Variants in SMPD4 observed in about 807,000 individuals in gnomAD.
SMPD4 encodes the protein neutral sphingomyelinase 3.
Under a neutral mutation model 97.8 loss-of-function variants are expected in SMPD4, and 58 were observed. The ratio of observed to expected loss-of-function variants is 0.59; its 90% CI spans 0.48 to 0.74. The LOEUF is 0.74. SMPD4 is among the 30% of genes least tolerant of loss of function. The probability of loss-of-function intolerance (pLI) is 0.00; values close to 1 mark genes in which losing one functional copy is unlikely to be tolerated. For synonymous variants in SMPD4, 388 were observed against 450.0 expected (o/e 0.86, Z 1.74); for missense variants, 853 against 1,080.5 (o/e 0.79, Z 2.95).
At position 130,172,802 on chromosome 2, in the gene SMPD4, G is replaced by C; in HGVS notation, c.439C>G (p.Leu147Val). 1 of 1,614,206 alleles carries C rather than the reference G, an allele frequency of 6.2e-7. No individual in the cohort carries two copies. Among genetic ancestry groups the C allele is most frequent in the South Asian group, 1.1e-5 (1 of 91,080 alleles). The change falls in exon 6 of 20, where the codon CTG (leucine) becomes GTG (valine). Residue 147 changes from leucine to valine, a missense_variant. This residue lies in a region of SMPD4 where 313 missense variants were observed against 402.2 expected (regional missense o/e 0.78). Coordinates refer to ENST00000680298, the MANE Select transcript of SMPD4 (RefSeq NM_017951.5). The part of the protein sequence containing the change: ...VQFTPTGGLG[L>V]NLALNPFEYY... ...CAAAGGATACTCAGGGCCAAGTTCA[G>C]ACCAAGGCCCCCAGTAGGGGTGAAC...
intron 9 of SMPD4, among the ~76,000 whole-genome samples, chr2:130,166,932 A>G (rs570310155): frequency 2.0e-5 from 3 of 152,386 alleles, no homozygotes; most frequent in South Asian, 2.1e-4. Flanking sequence ...AACAACTTCC[A>G]TGGACAGGGG....
chr2:130,152,823 T>C lies in SMPD4; in HGVS notation c.2216A>G (p.Tyr739Cys), dbSNP rs1686361346. 6.2e-7 allele frequency: 1 copy of C among 1,605,722 alleles called. No homozygotes were observed. The highest frequency in any genetic ancestry group is 8.5e-7 in the Non-Finnish European group (1 of 1,174,928). Residue 739 changes from tyrosine (Y) to cysteine (C), a missense_variant, in exon 20 of 20, where the codon TAC becomes TGC. This residue lies in a region of SMPD4 where 511 missense variants were observed against 608.1 expected (regional missense o/e 0.84). Coordinates refer to ENST00000680298, the MANE Select transcript of SMPD4 (RefSeq NM_017951.5). The part of the protein sequence containing the change: ...RDDFLGSFCR[Y>C]HLTEPGLASR... ...GGCCAGCCCAGGTTCTGTGAGGTGG[T>C]AGCGACAGAAGCTGCCGAGGAAGTC...
chr2:130,172,789 A>G lies in SMPD4; in HGVS notation c.452T>C (p.Leu151Pro), dbSNP rs1191335754. Residue 151 changes from leucine to proline, a missense_variant and splice_region_variant, in exon 6 of 20, where the codon CTG (leucine) becomes CCG (proline). This residue lies in a region of SMPD4 where 313 missense variants were observed against 402.2 expected (regional missense o/e 0.78). Coordinates refer to ENST00000680298, the MANE Select transcript of SMPD4 (RefSeq NM_017951.5). Reference sequence around the variant, plus strand: ...ACCTCAGGGCCACCAAAGGATACTCAGGGCCAAGTTCAGACCAAGGCCCCC... The same window carrying G: ...ACCTCAGGGCCACCAAAGGATACTCGGGGCCAAGTTCAGACCAAGGCCCCC... Reference protein sequence around the residue: ...PTGGLGLNLALNPFEYYIFFF... With the variant: ...PTGGLGLNLAPNPFEYYIFFF... The G allele has an allele frequency of 6.2e-7, 1 of 1,614,130 alleles. No individual in the cohort carries two copies. Among genetic ancestry groups the G allele is most frequent in the Non-Finnish European group, 8.5e-7 (1 of 1,180,008 alleles).
chr2:130,165,111 A>C (rs111283816), intron 9 of SMPD4, among the ~76,000 whole-genome samples: 44 of 118,270 alleles, frequency 3.7e-4, no homozygotes, highest in African/African-American at 2.7e-3. Context: ...TCTGATTTAA[A>C]AAAAAAAAAA....
At chr2:130,170,571 G>C (rs1688357200) in intron 8 of SMPD4, among the ~76,000 whole-genome samples, 1 of 151,630 alleles carries the variant, frequency 6.6e-6, no homozygotes, top group Non-Finnish European at 1.5e-5. Flanking sequence ...TTCTAGAGCA[G>C]CCTGGGCAAC....
chr2:130,175,904 A>G (rs1343528236), intron 2 of SMPD4, among the ~76,000 whole-genome samples: 1 of 152,174 alleles, frequency 6.6e-6, no homozygotes, highest in Non-Finnish European at 1.5e-5. Context: ...CCTTCCACAT[A>G]AATGTTTACA....
Position 130,154,266 on chromosome 2 carries a change from G to A in SMPD4, c.1659+11C>T, listed in dbSNP as rs547000036. On this transcript the variant is annotated intron_variant, in intron 16 of 19. Coordinates refer to ENST00000680298, the MANE Select transcript of SMPD4 (RefSeq NM_017951.5). The stretch of plus-strand genomic sequence containing the variant: ...AGGGGCCCTGAGGACAGGCACCGCC[G>A]AACCACTCACCAGGGTGCGGGCCTC... 608 of 1,580,194 alleles carry A rather than the reference G, an allele frequency of 3.8e-4. No individual in the cohort carries two copies. Among genetic ancestry groups the A allele is most frequent in the African/African-American group, 2.8e-3 (212 of 74,482 alleles).
rs148643509 is a variant in SMPD4, at chr2:130,172,109, G to A, written c.659+240C>T. Reference sequence around the variant, plus strand: ...AACACAGCCCATTCCCATGCAGGCCGTGGAGGCCTCCAGGGACCTGATAGC... The same window carrying A: ...AACACAGCCCATTCCCATGCAGGCCATGGAGGCCTCCAGGGACCTGATAGC... On this transcript the variant is annotated intron_variant, in intron 8 of 19. Coordinates refer to ENST00000680298, the MANE Select transcript of SMPD4 (RefSeq NM_017951.5). Among the ~76,000 whole-genome samples the A allele has an allele frequency of 2.3e-3, 344 of 152,286 alleles. 1 individual carries two copies. Among genetic ancestry groups the A allele is most frequent in the African/African-American group, 7.8e-3 (324 of 41,566 alleles).
In SMPD4 at chr2:130,162,872, A is replaced by G. The variant is rs188307122; in HGVS notation, c.864+1502T>C. Among the ~76,000 whole-genome samples, 529 of 152,332 alleles carry G rather than the reference A, an allele frequency of 3.5e-3. 4 individuals are homozygous for G. The highest frequency in any genetic ancestry group is 0.014 in the Middle Eastern group (4 of 294). ...GCATCTCTGGGTACTTGGTCCGGCC[A>G]CTGCAAGGTATTCTGAGCAGGGTCC... On this transcript the variant is annotated intron_variant, in intron 10 of 19. Transcript: ENST00000680298.
chr2:130,155,423 C>G (rs1233342348), intron 14 of SMPD4, among the ~76,000 whole-genome samples, 164 bp from the exon 15 acceptor site: 1 of 152,016 alleles, frequency 6.6e-6, no homozygotes, highest in Non-Finnish European at 1.5e-5. Context: ...CACGGGCAGG[C>G]AGGGAGGACA....
chr2:130,172,401 G>A lies in SMPD4; in HGVS notation c.607C>T (p.Pro203Ser). 3 of 1,611,116 alleles carry A rather than the reference G, an allele frequency of 1.9e-6. No homozygotes were observed. The highest frequency in any genetic ancestry group is 2.5e-6 in the Non-Finnish European group (3 of 1,178,780). Residue 203 changes from proline to serine, a missense_variant, in exon 8 of 20, where the codon CCC (proline) becomes TCC (serine). Coordinates refer to ENST00000680298, the MANE Select transcript of SMPD4 (RefSeq NM_017951.5). ...CCTGGGCTGGAGGAGAGTGGTGGGGGCACACTGCCTTCGGTGGGCAGGAAC... is the reference window on the plus strand; with the variant it reads ...CCTGGGCTGGAGGAGAGTGGTGGGGACACACTGCCTTCGGTGGGCAGGAAC... ...SWFLPTEGSV[P>S]PPLSSSPGGT...
At chr2:130,177,635 G>C (rs1416732494) in intron 1 of SMPD4, among the ~76,000 whole-genome samples, 1 of 151,494 alleles carries the variant, frequency 6.6e-6, no homozygotes, top group Non-Finnish European at 1.5e-5. Context: ...AGAGGTGGTT[G>C]CAGTGAGCTG....
rs1688559120 is a variant in SMPD4, at chr2:130,172,423, G to A, written c.585C>T (p.Phe195=). The A allele has an allele frequency of 6.2e-7, 1 of 1,612,034 alleles. No individual in the cohort carries two copies. Among genetic ancestry groups the A allele is most frequent in the Non-Finnish European group, 8.5e-7 (1 of 1,179,210 alleles). Residue 195 remains phenylalanine, a synonymous_variant, in exon 8 of 20, where the codon TTC becomes TTT. Transcript: ENST00000680298. ...GGGGCACACTGCCTTCGGTGGGCAGGAACCATGACAGGTACCTGTCCACCA... is the reference window on the plus strand; with the variant it reads ...GGGGCACACTGCCTTCGGTGGGCAGAAACCATGACAGGTACCTGTCCACCA... ...FILVDRYLSW[F]LPTEGSVPPP... is the part of the protein sequence containing the mutation.
chr2:130,154,850 G>A, intron 15 of SMPD4: 1 of 625,542 alleles, frequency 1.6e-6, no homozygotes, highest in South Asian at 2.0e-5. Context: ...CTTGGACCGT[G>A]CCGGCCCGCT....
chr2:130,173,648 G>A lies in SMPD4; in HGVS notation c.135C>T (p.His45=), dbSNP rs780923396. 7 of 1,613,788 alleles carry A rather than the reference G, an allele frequency of 4.3e-6. No homozygotes were observed. The African/African-American group carries it at 8.0e-5, about 18-fold the overall frequency. ...VIEDFPAKEL[H]TIFPWLVESI... ...TTTCTACCAGCCATGGGAAGATGGTGTGCAGCTCCTGAAACAATGTGTGGT... is the reference window on the plus strand; with the variant it reads ...TTTCTACCAGCCATGGGAAGATGGTATGCAGCTCCTGAAACAATGTGTGGT... The change falls in exon 4 of 20, where the codon CAC becomes CAT. Residue 45 remains histidine (H), a synonymous_variant. Transcript: ENST00000680298.
At chr2:130,181,493 G>C in intron 1 of SMPD4, 37 bp downstream of exon 1, 11 of 1,574,592 alleles carry the variant, frequency 7.0e-6, no homozygotes, top group Non-Finnish European at 9.5e-6. Context: ...CCCCCAGGGC[G>C]CCGGACCGTC....
intron 9 of SMPD4, among the ~76,000 whole-genome samples, chr2:130,166,086 C>A (rs920637106): frequency 2.6e-5 from 4 of 151,910 alleles, no homozygotes; most frequent in African/African-American, 9.7e-5. Context: ...CTTTGGGAGG[C>A]CAAAGCAAAT....
chr2:130,169,344 T>C (rs1688222423), intron 8 of SMPD4, among the ~76,000 whole-genome samples: 1 of 152,178 alleles, frequency 6.6e-6, no homozygotes, highest in South Asian at 2.1e-4. Flanking sequence ...CTGGTGGCAA[T>C]ACTAACTTCC....
chr2:130,159,784 T>C (rs1251451518), intron 11 of SMPD4: 1 of 151,948 alleles, frequency 6.6e-6, no homozygotes, highest in East Asian at 1.9e-4. Context: ...CTCCCTCCAA[T>C]CCTGGCCTGG....
Sources: allele counts gnomAD v4.1 joint callset (sites outside exome capture counted in the v4.1 genomes callset), GRCh38; gene constraint gnomAD v4.1.1; regional missense constraint gnomAD v4.1.1; transcripts MANE v1.5; gene names NCBI Gene and HGNC (gene_info 2026-07-23, HGNC 2026-07-21).